Variants in DAAM2 observed in about 807,000 individuals in gnomAD.
DAAM2 encodes disheveled-associated activator of morphogenesis 2.
DAAM2 carries 39 observed loss-of-function variants against 120.7 expected under a neutral mutation model. That is an observed-to-expected ratio of 0.32 (90% CI 0.25 to 0.42). The LOEUF is 0.42. DAAM2 is among the 10% of genes least tolerant of loss of function. The pLI is 1.00. For missense variants in DAAM2, 1,283 were observed against 1,401.7 expected (o/e 0.92, Z 1.35); for synonymous variants, 488 against 524.9 (o/e 0.93, Z 0.96).
intron 1 of DAAM2, among the ~76,000 whole-genome samples, chr6:39,809,789 T>G (rs923914215): frequency 2.0e-5 from 3 of 152,198 alleles, no homozygotes; most frequent in African/African-American, 7.2e-5. Context: ...AGAATTTATA[T>G]TCAGCTATAG....
At chr6:39,837,663 CA>C (rs758751293) in intron 1 of DAAM2, among the ~76,000 whole-genome samples, 542 of 41,186 alleles carry the variant, frequency 0.013, 1 homozygote, top group African/African-American at 0.044. Flanking sequence ...AACTCCATCT[CA>C]AAAAAAAAAA....
chr6:39,851,316 G>A (rs1160315727), intron 1 of DAAM2, among the ~76,000 whole-genome samples: 1 of 152,172 alleles, frequency 6.6e-6, no homozygotes, highest in Non-Finnish European at 1.5e-5. Flanking sequence ...CTAGCTATGT[G>A]ACCTTAGGCA....
chr6:39,879,260 C>A lies in DAAM2; in HGVS notation c.1628C>A (p.Pro543His). 1.3e-6 allele frequency: 2 copies of A among 1,536,034 alleles called. No homozygotes were observed. Among genetic ancestry groups the A allele is most frequent in the East Asian group, 2.4e-5 (1 of 41,252 alleles). ...ATGACAACCAATGACCTGCCTCCAC[C>A]CCCTCCTCCTCTGCCCTTTGCCTGT... is the stretch of plus-strand genomic sequence containing the variant. ...SSMTTNDLPP[P>H]PPPLPFACCP... Residue 543 changes from proline to histidine, a missense_variant, in exon 14 of 25, where the codon CCC (proline) becomes CAC (histidine). By Grantham distance (77) the Pro-to-His change is moderately conservative (BLOSUM62 -2). Transcript: ENST00000274867.
intron 1 of DAAM2, among the ~76,000 whole-genome samples, chr6:39,824,688 A>G (rs1399937149): frequency 6.6e-6 from 1 of 152,130 alleles, no homozygotes. Context: ...AGGCAGGACA[A>G]GCTGAGGGAG....
chr6:39,861,058 G>T, intron 3 of DAAM2, 41 bp downstream of exon 3: 2 of 1,498,566 alleles, frequency 1.3e-6, no homozygotes, highest in Non-Finnish European at 1.8e-6. Context: ...CAGGGTTCAT[G>T]GCATGGGGTG....
In DAAM2 at chr6:39,829,168, A is replaced by G. The variant is rs1762787951; in HGVS notation, c.-56-27079A>G. Among the ~76,000 whole-genome samples, 3 of 152,218 alleles carry G rather than the reference A, an allele frequency of 2.0e-5. No homozygotes were observed. The South Asian group carries it at 6.2e-4, about 31-fold the overall frequency. ...GTTTAAACAGATAAATCCAATTGGCATCTCTTCTTTGTATACTTTTGTTGA... is the reference window on the plus strand; with the variant it reads ...GTTTAAACAGATAAATCCAATTGGCGTCTCTTCTTTGTATACTTTTGTTGA... On this transcript the variant is annotated intron_variant, in intron 1 of 24. Transcript: ENST00000274867.
chr6:39,802,532 G>A lies in DAAM2; in HGVS notation c.-57+10067G>A, dbSNP rs915598516. On this transcript the variant is annotated intron_variant, in intron 1 of 24. Coordinates refer to ENST00000274867, the MANE Select transcript of DAAM2 (RefSeq NM_001201427.2). The stretch of plus-strand genomic sequence containing the variant: ...GTTAGTGAGGATGAAGATGATGATG[G>A]TGGTGGTGGTGGTGAAGATAGTAGA... Among the ~76,000 whole-genome samples the A allele has an allele frequency of 2.0e-5, 3 of 152,076 alleles. No individual in the cohort carries two copies. In the East Asian group the frequency reaches 5.8e-4, roughly 29 times the overall value.
chr6:39,867,453 C>T, intron 5 of DAAM2, 57 bp from the exon 6 acceptor site: 1 of 1,556,646 alleles, frequency 6.4e-7, no homozygotes, highest in Non-Finnish European at 8.8e-7. Context: ...TAACTATTTG[C>T]AAAGTGTACA....
chr6:39,883,264 C>A lies in DAAM2; in HGVS notation c.1846-698C>A, dbSNP rs183788557. Among the ~76,000 whole-genome samples, 467 of 151,112 alleles carry A rather than the reference C, an allele frequency of 3.1e-3. 3 individuals are homozygous for A. The highest frequency in any genetic ancestry group is 0.011 in the African/African-American group (440 of 41,102). ...GGTCCTACACAGAGATGGGGCAAGG[C>A]CTAAATGGAGAGACCTTGGAATGTA... On this transcript the variant is annotated intron_variant, in intron 14 of 24. Coordinates refer to ENST00000274867, the MANE Select transcript of DAAM2 (RefSeq NM_001201427.2).
intron 1 of DAAM2, among the ~76,000 whole-genome samples, chr6:39,824,248 G>A (rs1762589282): frequency 6.6e-6 from 1 of 152,088 alleles, no homozygotes; most frequent in Admixed American, 6.5e-5. Context: ...AGGAAGTATT[G>A]CTGGCATAAA....
At position 39,827,577 on chromosome 6, in the gene DAAM2, C is replaced by T. The variant is rs180879774; in HGVS notation, c.-56-28670C>T. 1.5e-3 allele frequency among the ~76,000 whole-genome samples: 230 copies of T among 152,202 alleles called. 1 individual carries two copies. Among genetic ancestry groups the T allele is most frequent in the Non-Finnish European group, 2.5e-3 (173 of 68,006 alleles). Reference sequence around the variant, plus strand: ...CTGTGTGTGTGGGCTCATGGAGGTGCCCCCGGGCCTGGTAGGATGCAGGGG... The same window carrying T: ...CTGTGTGTGTGGGCTCATGGAGGTGTCCCCGGGCCTGGTAGGATGCAGGGG... On this transcript the variant is annotated intron_variant, in intron 1 of 24. Coordinates refer to ENST00000274867, the MANE Select transcript of DAAM2 (RefSeq NM_001201427.2).
intron 14 of DAAM2, 129 bp downstream of exon 14, chr6:39,879,606 A>G: frequency 1.6e-6 from 2 of 1,247,370 alleles, no homozygotes; most frequent in Non-Finnish European, 2.3e-6. Context: ...AAGGGCAGTC[A>G]TGTGGATGTA....
intron 5 of DAAM2, among the ~76,000 whole-genome samples, chr6:39,865,571 C>A (rs1291477750): frequency 6.6e-6 from 1 of 152,090 alleles, no homozygotes; most frequent in Admixed American, 6.6e-5. Context: ...GGTAGAAGTC[C>A]TGGAGCCATA....
intron 1 of DAAM2, chr6:39,819,612 A>G (rs1762420449): frequency 6.6e-6 from 1 of 152,242 alleles, no homozygotes; most frequent in African/African-American, 2.4e-5. Context: ...TTAGCATACA[A>G]TGTGATGCTA....
At position 39,793,960 on chromosome 6, in the gene DAAM2, T is replaced by A. The variant is rs116087093; in HGVS notation, c.-57+1495T>A. ...CCTCTGTCCTAGAAAAATGAGAAAA[T>A]GAAGGGACAGGGAGGAAATCTGGAT... On this transcript the variant is annotated intron_variant, in intron 1 of 24. Coordinates refer to ENST00000274867, the MANE Select transcript of DAAM2 (RefSeq NM_001201427.2). Among the ~76,000 whole-genome samples, 446 of 151,932 alleles carry A rather than the reference T, an allele frequency of 2.9e-3. 5 individuals are homozygous for A. The highest frequency in any genetic ancestry group is 9.7e-3 in the African/African-American group (403 of 41,410).
At chr6:39,824,770 T>C (rs1762609825) in intron 1 of DAAM2, among the ~76,000 whole-genome samples, 1 of 152,076 alleles carries the variant, frequency 6.6e-6, no homozygotes, top group Non-Finnish European at 1.5e-5. Flanking sequence ...AGTCGCATGG[T>C]TGGGAAGCCA....
chr6:39,845,867 C>G (rs1582664829), intron 1 of DAAM2, among the ~76,000 whole-genome samples: 1 of 152,144 alleles, frequency 6.6e-6, no homozygotes. Flanking sequence ...GTGCCCTGTT[C>G]TTATCCACCC....
In DAAM2 at chr6:39,904,717, G is replaced by A. The variant is rs1766722283; in HGVS notation, c.*2680G>A. On this transcript the variant is annotated 3_prime_UTR_variant, in exon 25 of 25. Transcript: ENST00000274867. ...ATCTATCTCCCCCGACTTCTACCAGGGATGCCTTCACGCCAAGGCTGTTCT... is the reference window on the plus strand; with the variant it reads ...ATCTATCTCCCCCGACTTCTACCAGAGATGCCTTCACGCCAAGGCTGTTCT... The A allele has an allele frequency of 4.4e-6, 2 of 453,960 alleles. No individual in the cohort carries two copies. The highest frequency in any genetic ancestry group is 8.8e-6 in the Non-Finnish European group (2 of 226,796). The allele number at this position is 453,960 out of a possible 1,614,324, so 28.1% of individuals were successfully genotyped here. A position where few individuals can be genotyped will look rare whatever the true frequency, so the allele number is the denominator to read the frequency against.
chr6:39,897,319 T>TG (rs1382653929), intron 21 of DAAM2, 37 bp downstream of exon 21: 1 of 1,328,026 alleles, frequency 7.5e-7, no homozygotes, highest in Non-Finnish European at 1.1e-6. Context: ...CTCCCCATGA[T>TG]GACCCTCATT....
Sources: allele counts gnomAD v4.1 joint callset (sites outside exome capture counted in the v4.1 genomes callset), GRCh38; gene constraint gnomAD v4.1.1; transcripts MANE v1.5; gene names NCBI Gene and HGNC (gene_info 2026-07-23, HGNC 2026-07-21).